LRFN2: variants seen among roughly 807,000 people sequenced by gnomAD.
LRFN2 encodes leucine rich repeat and fibronectin type III domain containing 2.
In LRFN2, 18 loss-of-function variants were observed where a neutral mutation model predicts 37.3. The ratio of observed to expected loss-of-function variants is 0.48; its 90% confidence interval spans 0.33 to 0.72. The LOEUF (loss-of-function observed/expected upper bound fraction) is 0.72. LRFN2 is among the 30% of genes least tolerant of loss of function. The pLI is 0.02. For missense variants in LRFN2, 1,006 were observed against 1,060.7 expected (o/e 0.95, Z 0.72); for synonymous variants, 556 against 466.6 (o/e 1.19, Z -2.47).
intron 1 of LRFN2, among the ~76,000 whole-genome samples, chr6:40,498,431 G>C (rs895641143): frequency 6.6e-6 from 1 of 152,134 alleles, no homozygotes; most frequent in Admixed American, 6.5e-5. Context: ...TATTTATAAA[G>C]ATATCCCTAG....
chr6:40,560,914 C>G (rs1766981368), intron 1 of LRFN2, among the ~76,000 whole-genome samples: 1 of 152,158 alleles, frequency 6.6e-6, no homozygotes, highest in African/African-American at 2.4e-5. Context: ...CATCTCCAAA[C>G]CTACCACACT....
intron 1 of LRFN2, among the ~76,000 whole-genome samples, chr6:40,583,328 G>A (rs1767440673): frequency 4.0e-5 from 6 of 151,324 alleles, no homozygotes; most frequent in Admixed American, 4.0e-4. Flanking sequence ...TGCTGCCCAT[G>A]TGCCCCTTCC....
intron 1 of LRFN2, among the ~76,000 whole-genome samples, chr6:40,532,154 C>T (rs1473716066): frequency 2.0e-5 from 3 of 152,196 alleles, no homozygotes; most frequent in African/African-American, 7.2e-5. Flanking sequence ...TACCGTGGGC[C>T]CACTATGTAT....
chr6:40,503,008 A>T (rs898681840), intron 1 of LRFN2, among the ~76,000 whole-genome samples: 1 of 152,134 alleles, frequency 6.6e-6, no homozygotes, highest in African/African-American at 2.4e-5. Context: ...ATGTTCCAAG[A>T]CTGTATCAGG....
chr6:40,435,738 C>T (rs1763655783), intron 1 of LRFN2, among the ~76,000 whole-genome samples: 1 of 152,158 alleles, frequency 6.6e-6, no homozygotes, highest in Non-Finnish European at 1.5e-5. Context: ...CAGGGTTTCA[C>T]TGTGTTAGCC....
chr6:40,572,820 A>G (rs1050593277), intron 1 of LRFN2, among the ~76,000 whole-genome samples: 1 of 152,194 alleles, frequency 6.6e-6, no homozygotes, highest in Non-Finnish European at 1.5e-5. Context: ...GGGCTCCTAT[A>G]GTCAGCAGAT....
chr6:40,435,807 T>C (rs1763658612), intron 1 of LRFN2, among the ~76,000 whole-genome samples: 1 of 152,174 alleles, frequency 6.6e-6, no homozygotes, highest in South Asian at 2.1e-4. Flanking sequence ...TGTAATAGCT[T>C]ATTTTTTTTA....
chr6:40,469,070 C>A (rs114930206), intron 1 of LRFN2, among the ~76,000 whole-genome samples: 1,850 of 152,230 alleles, frequency 0.012, 48 homozygotes, highest in African/African-American at 0.041. Flanking sequence ...CCTGGATTAC[C>A]CGGGTGGGCC....
intron 1 of LRFN2, among the ~76,000 whole-genome samples, chr6:40,448,986 C>CT (rs1764037416): frequency 6.6e-6 from 1 of 152,234 alleles, no homozygotes. Context: ...AAGCAACCAA[C>CT]TCTTCCTTGA....
At chr6:40,497,286 G>T (rs1312382862) in intron 1 of LRFN2, among the ~76,000 whole-genome samples, 1 of 152,052 alleles carries the variant, frequency 6.6e-6, no homozygotes, top group Non-Finnish European at 1.5e-5. Context: ...ACCCACTGAG[G>T]ACCCTAGCAT....
chr6:40,457,388 C>A (rs530721652), intron 1 of LRFN2, among the ~76,000 whole-genome samples: 3 of 151,956 alleles, frequency 2.0e-5, no homozygotes, highest in Admixed American at 2.0e-4. Context: ...AAATAGCTAT[C>A]TTGTTAGTCA....
At chr6:40,539,691 A>G (rs1254026001) in intron 1 of LRFN2, among the ~76,000 whole-genome samples, 3 of 152,176 alleles carry the variant, frequency 2.0e-5, no homozygotes, top group Non-Finnish European at 2.9e-5. Context: ...CGCAGCCCCC[A>G]TGGCACTGGG....
intron 1 of LRFN2, among the ~76,000 whole-genome samples, chr6:40,486,792 C>G (rs566852193): frequency 6.6e-6 from 1 of 152,246 alleles, no homozygotes; most frequent in African/African-American, 2.4e-5. Context: ...AGAGAAGTGA[C>G]AGATGAGATT....
intron 1 of LRFN2, among the ~76,000 whole-genome samples, chr6:40,484,604 C>T (rs559436583): frequency 1.8e-4 from 28 of 152,310 alleles, no homozygotes; most frequent in Non-Finnish European, 3.2e-4. Flanking sequence ...GGGGTCTTGG[C>T]TCTCTGGAGC....
intron 1 of LRFN2, among the ~76,000 whole-genome samples, chr6:40,464,635 G>A (rs959345990): frequency 1.3e-5 from 2 of 152,226 alleles, no homozygotes; most frequent in East Asian, 1.9e-4. Flanking sequence ...TCTGTTGGGT[G>A]TCTCACTCAC....
intron 2 of LRFN2, among the ~76,000 whole-genome samples, chr6:40,416,354 G>T (rs1476222668): frequency 8.4e-6 from 1 of 118,572 alleles, no homozygotes; most frequent in Non-Finnish European, 1.6e-5. Context: ...AGTGGTGGGG[G>T]CTTTCTTGTT....
At chr6:40,497,366 C>G (rs1265295580) in intron 1 of LRFN2, among the ~76,000 whole-genome samples, 1 of 152,138 alleles carries the variant, frequency 6.6e-6, no homozygotes, top group Non-Finnish European at 1.5e-5. Flanking sequence ...CCTGCTCACC[C>G]AGGCTCTACA....
intron 2 of LRFN2, among the ~76,000 whole-genome samples, chr6:40,428,488 A>G (rs1763405519): frequency 6.6e-6 from 1 of 152,148 alleles, no homozygotes; most frequent in Non-Finnish European, 1.5e-5. Context: ...TCTAATGAGG[A>G]CAATTCATTT....
At chr6:40,509,565 G>A (rs1166018832) in intron 1 of LRFN2, among the ~76,000 whole-genome samples, 1 of 152,184 alleles carries the variant, frequency 6.6e-6, no homozygotes, top group African/African-American at 2.4e-5. Flanking sequence ...CCGCAGGTAA[G>A]GGGTGGGTGC....
Sources: allele counts gnomAD v4.1 joint callset (sites outside exome capture counted in the v4.1 genomes callset), GRCh38; gene constraint gnomAD v4.1.1; transcripts MANE v1.5; gene names NCBI Gene and HGNC (gene_info 2026-07-23, HGNC 2026-07-21).